The following ATP2C2 variants were observed in gnomAD, a reference collection of about 807,000 sequenced individuals.
ATP2C2 encodes calcium-transporting ATPase type 2C member 2.
ATP2C2 carries 171 observed loss-of-function variants against 110.8 expected under a neutral mutation model. The observed-to-expected ratio is 1.54, with a 90% CI of 1.36 to 1.75. ATP2C2 has a LOEUF of 1.75. ATP2C2 is among the 40% of genes most tolerant of loss of function. The pLI, the probability that ATP2C2 is intolerant of heterozygous loss-of-function variation, is 0.00. For synonymous variants in ATP2C2, 804 were observed against 508.4 expected (o/e 1.58, Z -7.82); for missense variants, 1,963 against 1,235.0 (o/e 1.59, Z -8.84).
chr16:84,386,370 T>C (rs1361589287), intron 1 of ATP2C2, among the ~76,000 whole-genome samples: 1 of 152,226 alleles, frequency 6.6e-6, no homozygotes, highest in Non-Finnish European at 1.5e-5. Flanking sequence ...GTTCTTTGTA[T>C]ATTTTTAACT....
rs189207522 is a variant in ATP2C2 at position 84,399,226 on chromosome 16, A to G, written c.210+617A>G. On this transcript the variant is annotated intron_variant, in intron 2 of 26. Transcript: ENST00000262429. ...AATAAAAAGCCCCCAGGAAAAGGGCACATACTACAATTTCAGGAAGTTGGA... is the reference window on the plus strand; with the variant it reads ...AATAAAAAGCCCCCAGGAAAAGGGCGCATACTACAATTTCAGGAAGTTGGA... Among the ~76,000 whole-genome samples the G allele has an allele frequency of 3.7e-4, 57 of 152,386 alleles. No homozygotes were observed. In the East Asian group the frequency reaches 0.01, roughly 27 times the overall value.
At position 84,410,526 on chromosome 16, in the gene ATP2C2, C is replaced by T. The variant is rs542823795; in HGVS notation, c.418-42C>T. ...CTGCCACGCCCTGTCCCCCCTCCCACTGAGCCTCTGGTACTGACACCCTCC... is the reference window on the plus strand; with the variant it reads ...CTGCCACGCCCTGTCCCCCCTCCCATTGAGCCTCTGGTACTGACACCCTCC... On this transcript the variant is annotated intron_variant, in intron 4 of 26. Coordinates refer to ENST00000262429, the MANE Select transcript of ATP2C2 (RefSeq NM_014861.4). The T allele has an allele frequency of 1.3e-5, 21 of 1,607,608 alleles. No homozygotes were observed. The African/African-American group carries it at 2.4e-4, about 18-fold the overall frequency.
rs1341903511 is a variant in ATP2C2, at chr16:84,440,876, A to G, written c.1229A>G (p.Asp410Gly). The G allele has an allele frequency of 4.3e-6, 7 of 1,613,372 alleles. No individual in the cohort carries two copies. The South Asian group carries it at 7.7e-5, about 18-fold the overall frequency. ...LRAEVSGVGY[D>G]GQGTVCLLPS... Reference sequence around the variant, plus strand: ...CTGCAGGTCAGCGGAGTTGGGTATGACGGTCAAGGGACTGTGTGTCTTCTA... The same window carrying G: ...CTGCAGGTCAGCGGAGTTGGGTATGGCGGTCAAGGGACTGTGTGTCTTCTA... Residue 410 changes from aspartate to glycine, a missense_variant, in exon 14 of 27, where the codon GAC becomes GGC. By Grantham distance (94) the Asp-to-Gly change is moderately conservative. Coordinates refer to ENST00000262429, the MANE Select transcript of ATP2C2 (RefSeq NM_014861.4).
chr16:84,451,789 C>T (rs116851095), intron 17 of ATP2C2, 132 bp from the exon 18 acceptor site: 45,988 of 903,410 alleles, frequency 0.051, 1,430 homozygotes, highest in Middle Eastern at 0.07. Context: ...AGTGAGCCAA[C>T]ATTACACCAC....
intron 1 of ATP2C2, among the ~76,000 whole-genome samples, chr16:84,390,987 A>G (rs1904621853): frequency 6.6e-6 from 1 of 151,722 alleles, no homozygotes. Context: ...GGTGGTGGGC[A>G]CCTGTAATCC....
At chr16:84,420,081 T>G (rs1458667902) in intron 7 of ATP2C2, among the ~76,000 whole-genome samples, 2 of 152,192 alleles carry the variant, frequency 1.3e-5, no homozygotes. Context: ...CCAGCACATG[T>G]GACTTAACCT....
chr16:84,447,341 C>A (rs1486351855), intron 16 of ATP2C2, among the ~76,000 whole-genome samples: 3 of 151,990 alleles, frequency 2.0e-5, no homozygotes, highest in Non-Finnish European at 4.4e-5. Context: ...TTTTCCCTTG[C>A]AAGGCAATGG....
intron 2 of ATP2C2, among the ~76,000 whole-genome samples, chr16:84,404,101 C>A (rs1269147534): frequency 6.6e-6 from 1 of 152,226 alleles, no homozygotes; most frequent in Non-Finnish European, 1.5e-5. Context: ...GTTGTTCAAA[C>A]ATCTCCCTGG....
chr16:84,378,491 A>C (rs899694008), intron 1 of ATP2C2, among the ~76,000 whole-genome samples: 5 of 152,228 alleles, frequency 3.3e-5, no homozygotes, highest in Admixed American at 3.3e-4. Flanking sequence ...GTTGGGTAAC[A>C]GATCTAAGCA....
rs192905265 is a variant in ATP2C2, at chr16:84,381,016, C to T, written c.99+12302C>T. Among the ~76,000 whole-genome samples the T allele has an allele frequency of 2.0e-3, 305 of 152,230 alleles. 1 individual carries two copies. Among genetic ancestry groups the T allele is most frequent in the Middle Eastern group, 0.014 (4 of 294 alleles). ...CAACGTAGTGAATTTCATGCGCGTC[C>T]GTGTGAAGAGACCACCAAACAGGCT... On this transcript the variant is annotated intron_variant, in intron 1 of 26. Transcript: ENST00000262429.
At chr16:84,394,647 C>T (rs1377829972) in intron 1 of ATP2C2, among the ~76,000 whole-genome samples, 1 of 152,058 alleles carries the variant, frequency 6.6e-6, no homozygotes, top group Admixed American at 6.5e-5. Context: ...TCTGGAGGCT[C>T]CAGGGGAGGA....
chr16:84,403,156 A>G (rs759602290), intron 2 of ATP2C2, among the ~76,000 whole-genome samples: 2 of 151,362 alleles, frequency 1.3e-5, no homozygotes, highest in Non-Finnish European at 2.9e-5. Context: ...GTTTGTATTT[A>G]TTTGGTTCTT....
At chr16:84,425,634 A>G in intron 10 of ATP2C2, 101 bp from the exon 11 acceptor site, 1 of 1,313,560 alleles carries the variant, frequency 7.6e-7, no homozygotes. Context: ...TCCTCTGTGC[A>G]TGCATTCCTG....
In ATP2C2 at chr16:84,448,639, G is replaced by C; in HGVS notation, c.1610G>C (p.Arg537Thr). Reference sequence around the variant, plus strand: ...CCCCTGCCGCTGACGCCCCAGCAGAGGTCATTCTGCCTGCAGGAAGAGAAG... The same window carrying C: ...CCCCTGCCGCTGACGCCCCAGCAGACGTCATTCTGCCTGCAGGAAGAGAAG... Reference protein sequence around the residue: ...GIPLPLTPQQRSFCLQEEKRM... With the variant: ...GIPLPLTPQQTSFCLQEEKRM... The change falls in exon 17 of 27, where the codon AGG becomes ACG. Residue 537 changes from arginine (R) to threonine (T), a missense_variant. Transcript: ENST00000262429. The C allele has an allele frequency of 4.3e-6, 7 of 1,613,962 alleles. No homozygotes were observed. The highest frequency in any genetic ancestry group is 5.9e-6 in the Non-Finnish European group (7 of 1,179,896).
At chr16:84,383,226 G>A (rs1910686520) in intron 1 of ATP2C2, among the ~76,000 whole-genome samples, 1 of 152,244 alleles carries the variant, frequency 6.6e-6, no homozygotes, top group Non-Finnish European at 1.5e-5. Flanking sequence ...TCAGTGCCAG[G>A]GAGGCCCAGC....
intron 11 of ATP2C2, among the ~76,000 whole-genome samples, chr16:84,436,741 C>A (rs1055347084): frequency 9.3e-5 from 14 of 150,754 alleles, no homozygotes; most frequent in African/African-American, 1.5e-4. Flanking sequence ...TCTCCTCCCC[C>A]TCCCCATCGC....
rs538358493 is a variant in ATP2C2, at chr16:84,442,548, C to A, written c.1350C>A (p.Asn450Lys). The A allele has an allele frequency of 1.2e-6, 2 of 1,613,912 alleles. No individual in the cohort carries two copies. Among genetic ancestry groups the A allele is most frequent in the East Asian group, 4.5e-5 (2 of 44,864 alleles). Reference protein sequence around the residue: ...CVANNAVIRKNAVMGQPTEGA... With the variant: ...CVANNAVIRKKAVMGQPTEGA... ...CCAACAATGCGGTCATCAGAAAGAA[C>A]GCCGTGATGGGGCAGCCCACCGAGG... is the stretch of plus-strand genomic sequence containing the variant. Residue 450 changes from asparagine (N) to lysine (K), a missense_variant, in exon 15 of 27, where the codon AAC (asparagine) becomes AAA (lysine). Transcript: ENST00000262429.
intron 6 of ATP2C2, among the ~76,000 whole-genome samples, chr16:84,415,130 T>G (rs2150532775): frequency 6.6e-6 from 1 of 152,254 alleles, no homozygotes; most frequent in South Asian, 2.1e-4. Context: ...CCCTGCACCC[T>G]GAGTGCTGTG....
At position 84,463,930 on chromosome 16, in the gene ATP2C2, G is replaced by C; in HGVS notation, c.*198G>C. 1.8e-6 allele frequency: 1 copy of C among 571,296 alleles called. No individual in the cohort carries two copies. The highest frequency in any genetic ancestry group is 3.1e-6 in the Non-Finnish European group (1 of 320,220). The allele number at this position is 571,296 out of a possible 1,614,324, so 35.4% of individuals were successfully genotyped here. A position where few individuals can be genotyped will look rare whatever the true frequency, so the allele number is the denominator to read the frequency against. On this transcript the variant is annotated 3_prime_UTR_variant, in exon 27 of 27. Transcript: ENST00000262429. ...CCACATCCATCCAGCGTTCCCGCTG[G>C]CTGTGGGACAGACAGGGAGGGGCCT...
Sources: gnomAD v4.1 joint callset for allele counts (sites outside exome capture counted in the v4.1 genomes callset) on GRCh38, gnomAD v4.1.1 for gene constraint, MANE v1.5 for transcripts, NCBI Gene and HGNC (gene_info 2026-07-23, HGNC 2026-07-21) for gene names.